FGF12: variants seen among roughly 807,000 people sequenced by gnomAD.
FGF12 encodes the protein fibroblast growth factor 12B.
A neutral mutation model predicts 23.6 loss-of-function variants in FGF12; 14 were observed. The ratio of observed to expected loss-of-function variants is 0.59; its 90% confidence interval spans 0.39 to 0.93. The LOEUF (loss-of-function observed/expected upper bound fraction) is 0.93. Among genes scored for constraint, FGF12 ranks in the 40% least tolerant of loss-of-function variants. FGF12 has a pLI of 0.00. For synonymous variants in FGF12, 62 were observed against 77.3 expected (o/e 0.80, Z 1.04); for missense variants, 175 against 217.8 (o/e 0.80, Z 1.24).
chr3:192,230,687 A>AT (rs1370226078), intron 4 of FGF12, among the ~76,000 whole-genome samples: 1 of 152,186 alleles, frequency 6.6e-6, no homozygotes, highest in Non-Finnish European at 1.5e-5. Context: ...ATGTCAGACT[A>AT]ACCTAGAGTT....
chr3:192,697,025 T>A (rs1178668213), intron 2 of FGF12, among the ~76,000 whole-genome samples: 3 of 152,158 alleles, frequency 2.0e-5, no homozygotes, highest in African/African-American at 4.8e-5. Context: ...AGATCTGAAC[T>A]TCTTTTTAAG....
chr3:192,622,120 C>T (rs1320328941), intron 2 of FGF12, among the ~76,000 whole-genome samples: 1 of 152,160 alleles, frequency 6.6e-6, no homozygotes, highest in African/African-American at 2.4e-5. Flanking sequence ...CATGGCTTCT[C>T]TGTGCCAACT....
rs563385984 is a variant in FGF12 at position 192,208,631 on chromosome 3, T to C, written c.229-37975A>G. On this transcript the variant is annotated intron_variant, in intron 4 of 5. Coordinates refer to ENST00000445105, the MANE Select transcript of FGF12 (RefSeq NM_004113.6). ...ATTTCACGAGAATACATTATTAATA[T>C]CAACGGAGTCACTTCCAGAATGCAA... Among the ~76,000 whole-genome samples, 10 of 152,340 alleles carry C rather than the reference T, an allele frequency of 6.6e-5. No homozygotes were observed. The South Asian group carries it at 1.9e-3, about 28-fold the overall frequency.
At chr3:192,275,685 A>T (rs1270450131) in intron 4 of FGF12, among the ~76,000 whole-genome samples, 2 of 152,210 alleles carry the variant, frequency 1.3e-5, no homozygotes, top group Non-Finnish European at 2.9e-5. Context: ...GAATGGTAAG[A>T]TATCCTTTTT....
At chr3:192,368,006 G>T (rs977983982) in intron 2 of FGF12, among the ~76,000 whole-genome samples, 4 of 152,090 alleles carry the variant, frequency 2.6e-5, no homozygotes, top group African/African-American at 9.7e-5. Flanking sequence ...TTTTAAAAAT[G>T]AATATTTATT....
At chr3:192,377,081 G>A (rs903942123) in intron 2 of FGF12, among the ~76,000 whole-genome samples, 2 of 152,198 alleles carry the variant, frequency 1.3e-5, no homozygotes, top group East Asian at 1.9e-4. Context: ...AGTGGTCCCC[G>A]TTTGGGTTTC....
chr3:192,239,992 C>T (rs1274681882), intron 4 of FGF12, among the ~76,000 whole-genome samples: 2 of 152,074 alleles, frequency 1.3e-5, no homozygotes, highest in Non-Finnish European at 2.9e-5. Context: ...GGGAAGATCC[C>T]AGAAATAATA....
At chr3:192,177,053 A>G (rs980640381) in intron 4 of FGF12, among the ~76,000 whole-genome samples, 1 of 152,260 alleles carries the variant, frequency 6.6e-6, no homozygotes, top group Non-Finnish European at 1.5e-5. Context: ...AATGAACAGA[A>G]TAGAAAAACA....
chr3:192,454,206 T>C (rs796652081), intron 2 of FGF12, among the ~76,000 whole-genome samples: 131 of 152,166 alleles, frequency 8.6e-4, no homozygotes, highest in African/African-American at 2.9e-3. Flanking sequence ...GCCTGGTTAA[T>C]TTTTTTGTAT....
chr3:192,686,874 G>A (rs974485953), intron 2 of FGF12, among the ~76,000 whole-genome samples: 1 of 121,694 alleles, frequency 8.2e-6, no homozygotes, highest in Non-Finnish European at 1.6e-5. Context: ...TGTCACACAG[G>A]CTGGAGTGCA....
chr3:192,246,931 A>AGAAG (rs1711631262), intron 4 of FGF12, among the ~76,000 whole-genome samples: 2 of 91,174 alleles, frequency 2.2e-5, no homozygotes, highest in Admixed American at 2.0e-4. Context: ...AAAGAAAGAA[A>AGAAG]GAAGGAAAGA....
chr3:192,559,884 C>G (rs1204482983), intron 2 of FGF12, among the ~76,000 whole-genome samples: 2 of 152,026 alleles, frequency 1.3e-5, no homozygotes, highest in Non-Finnish European at 2.9e-5. Flanking sequence ...TCAGCACTAT[C>G]TCAACCATTT....
intron 2 of FGF12, among the ~76,000 whole-genome samples, chr3:192,618,267 T>C (rs78160065): frequency 6.6e-6 from 1 of 151,388 alleles, no homozygotes; most frequent in Non-Finnish European, 1.5e-5. Flanking sequence ...AAAAAAAAAT[T>C]CTGAAGTCCG....
intron 5 of FGF12, among the ~76,000 whole-genome samples, chr3:192,156,788 A>C (rs893511432): frequency 2.0e-5 from 3 of 152,222 alleles, no homozygotes; most frequent in Non-Finnish European, 4.4e-5. Flanking sequence ...TTTTGGACAA[A>C]TGGTAAAATA....
chr3:192,705,566 T>C (rs1718441698), intron 2 of FGF12, among the ~76,000 whole-genome samples: 1 of 152,256 alleles, frequency 6.6e-6, no homozygotes, highest in African/African-American at 2.4e-5. Context: ...TGTTGTCTTA[T>C]GTGGGCATGG....
chr3:192,660,347 C>G (rs1229946656), intron 2 of FGF12, among the ~76,000 whole-genome samples: 1 of 122,434 alleles, frequency 8.2e-6, no homozygotes, highest in African/African-American at 3.3e-5. Context: ...ACATCACACA[C>G]CAGGGCCTGT....
At chr3:192,144,676 C>G (rs1476688749) in intron 5 of FGF12, among the ~76,000 whole-genome samples, 7 of 152,274 alleles carry the variant, frequency 4.6e-5, no homozygotes, top group East Asian at 3.9e-4. Context: ...GTAAGAAACA[C>G]AGTCCGTGAC....
chr3:192,436,134 T>C (rs1722018026), intron 2 of FGF12, among the ~76,000 whole-genome samples: 1 of 152,142 alleles, frequency 6.6e-6, no homozygotes, highest in Admixed American at 6.5e-5. Context: ...CTCAGGACAA[T>C]ACTGTCATAG....
At chr3:192,464,485 G>C (rs1722951436) in intron 2 of FGF12, among the ~76,000 whole-genome samples, 1 of 149,896 alleles carries the variant, frequency 6.7e-6, no homozygotes, top group African/African-American at 2.5e-5. Flanking sequence ...TTTTAGGGCT[G>C]AGTAGTATTC....
Sources: allele counts gnomAD v4.1 joint callset (sites outside exome capture counted in the v4.1 genomes callset), GRCh38; gene constraint gnomAD v4.1.1; transcripts MANE v1.5; gene names NCBI Gene and HGNC (gene_info 2026-07-23, HGNC 2026-07-21).